The following BIRC6 variants were observed in gnomAD, a reference collection of about 807,000 sequenced individuals.
The protein encoded by BIRC6 is baculoviral IAP repeat containing 6.
In BIRC6, 98 loss-of-function variants were observed where a neutral mutation model predicts 503.3. The ratio of observed to expected loss-of-function variants is 0.19; its 90% CI spans 0.17 to 0.23. The LOEUF is 0.23. BIRC6 is among the 10% of genes least tolerant of loss of function. The pLI, the probability that BIRC6 is intolerant of heterozygous loss-of-function variation, is 1.00. For synonymous variants in BIRC6, 2,240 were observed against 2,078.7 expected (o/e 1.08, Z -2.11); for missense variants, 5,360 against 5,806.0 (o/e 0.92, Z 2.50).
intron 1 of BIRC6, among the ~76,000 whole-genome samples, chr2:32,367,829 C>T (rs1287750117): frequency 1.3e-5 from 2 of 151,986 alleles, no homozygotes; most frequent in Non-Finnish European, 2.9e-5. Flanking sequence ...CTGCCCCCAC[C>T]TTCCCCCCAA....
Position 32,618,841 on chromosome 2 carries a change from A to G in BIRC6, c.*937A>G. 1 of 152,608 alleles carries G rather than the reference A, an allele frequency of 6.6e-6. No individual in the cohort carries two copies. Among genetic ancestry groups the G allele is most frequent in the East Asian group, 1.9e-4 (1 of 5,190 alleles). The allele number at this position is 152,608 out of a possible 1,614,324, so 9.5% of individuals were successfully genotyped here. A position where few individuals can be genotyped will look rare whatever the true frequency, so the allele number is the denominator to read the frequency against. On this transcript the variant is annotated 3_prime_UTR_variant, in exon 74 of 74. Coordinates refer to ENST00000421745, the MANE Select transcript of BIRC6 (RefSeq NM_016252.4). ...GCCATACAGGCTCATTTTCATGCAA[A>G]TTCTTCCTAGAGCCAAATAAATAAA... is the stretch of plus-strand genomic sequence containing the variant.
At chr2:32,525,056 G>A (rs751257964) in intron 58 of BIRC6, 37 bp downstream of exon 58, 41 of 1,427,114 alleles carry the variant, frequency 2.9e-5, no homozygotes, top group East Asian at 2.4e-4. Flanking sequence ...GATTTTGTTT[G>A]GGTTTCTATA....
At chr2:32,448,495 C>A (rs28479569) in intron 21 of BIRC6, among the ~76,000 whole-genome samples, 1 of 152,026 alleles carries the variant, frequency 6.6e-6, no homozygotes, top group Non-Finnish European at 1.5e-5. Context: ...CCAAAAAAAA[C>A]CGAAAACCAG....
At chr2:32,574,440 C>T (rs769042141) in intron 65 of BIRC6, 3 of 152,168 alleles carry the variant, frequency 2.0e-5, no homozygotes, top group Non-Finnish European at 2.9e-5. Context: ...CCTGACTCTT[C>T]CAGAACTTAG....
At chr2:32,378,217 C>T (rs1322354366) in intron 2 of BIRC6, among the ~76,000 whole-genome samples, 2 of 152,088 alleles carry the variant, frequency 1.3e-5, no homozygotes, top group African/African-American at 4.8e-5. Context: ...TCTCTCTTCT[C>T]TCCTTCCCTT....
rs114434331 is a variant in BIRC6, at chr2:32,608,764, A to G, written c.14259+1121A>G. Among the ~76,000 whole-genome samples the G allele has an allele frequency of 1.8e-3, 281 of 152,206 alleles. 1 individual carries two copies. Among genetic ancestry groups the G allele is most frequent in the African/African-American group, 6.5e-3 (269 of 41,532 alleles). ...CCTTCTACTAGCAAACTCTCTAAAT[A>G]TGTTTCTGATATATTTCTCATTGAA... On this transcript the variant is annotated intron_variant, in intron 72 of 73. Coordinates refer to ENST00000421745, the MANE Select transcript of BIRC6 (RefSeq NM_016252.4).
chr2:32,567,053 CTCTGCCTCCAGGGT>C (rs1188167311), intron 65 of BIRC6, among the ~76,000 whole-genome samples: 2 of 152,222 alleles, frequency 1.3e-5, no homozygotes, highest in African/African-American at 4.8e-5. Flanking sequence ...TCACTGCAAC[CTCTGCCTCCAGGGT>C]TCAAGCGATT....
Position 32,357,304 on chromosome 2 carries a change from G to GGGCGGC in BIRC6, c.144_149dup (p.Ala49_Ala50dup), listed in dbSNP as rs1427095395. On this transcript the variant is annotated inframe_insertion, in exon 1 of 74. Transcript: ENST00000421745. The surrounding 1 kb of genome is among the most constrained non-coding windows in gnomAD (Gnocchi z 4.9). ...GGCTGCTCCTCGGCGGCGGGGGCGG[G>GGGCGGC]GGCGGCCGGGGTCTCAGAGTGGCTG... 1.3e-6 allele frequency: 2 copies of GGGCGGC among 1,526,774 alleles called. No homozygotes were observed. The highest frequency in any genetic ancestry group is 2.4e-5 in the South Asian group (2 of 82,332). The allele number at this position is 1,526,774 out of a possible 1,614,324, so 94.6% of individuals were successfully genotyped here. A position where few individuals can be genotyped will look rare whatever the true frequency, so the allele number is the denominator to read the frequency against.
chr2:32,559,039 A>G (rs1448192641), intron 65 of BIRC6, among the ~76,000 whole-genome samples: 9 of 152,128 alleles, frequency 5.9e-5, no homozygotes, highest in Admixed American at 5.9e-4. Flanking sequence ...CAGCTGTTTG[A>G]AGATACTTTT....
chr2:32,572,142 A>G (rs2059956880), intron 65 of BIRC6, among the ~76,000 whole-genome samples: 1 of 152,160 alleles, frequency 6.6e-6, no homozygotes, highest in Non-Finnish European at 1.5e-5. Context: ...TTTATGGACT[A>G]ACGTGGTCTG....
chr2:32,499,639 G>A lies in BIRC6; in HGVS notation c.8561G>A (p.Ser2854Asn). ...LEQNFEVVSV[S>N]TISAVIESVT... ...CAGAATTTTGAAGTCGTTTCAGTTA[G>A]TACTATTTCTGCCGTGATAGAATCG... The change falls in exon 46 of 74, where the codon AGT becomes AAT. Residue 2854 changes from serine to asparagine, a missense_variant. Transcript: ENST00000421745. 6 of 1,613,850 alleles carry A rather than the reference G, an allele frequency of 3.7e-6. No homozygotes were observed. Among genetic ancestry groups the A allele is most frequent in the Non-Finnish European group, 5.1e-6 (6 of 1,179,854 alleles).
At chr2:32,516,356 A>C (rs1305196879) in intron 55 of BIRC6, among the ~76,000 whole-genome samples, 1 of 152,038 alleles carries the variant, frequency 6.6e-6, no homozygotes, top group East Asian at 1.9e-4. Flanking sequence ...TCTCCTAAAA[A>C]TACAAAAAAA....
intron 50 of BIRC6, among the ~76,000 whole-genome samples, chr2:32,506,844 A>G (rs1337671764): frequency 6.6e-6 from 1 of 152,104 alleles, no homozygotes; most frequent in Non-Finnish European, 1.5e-5. Flanking sequence ...TCTTTTTGCT[A>G]TGTCTGCTTG....
rs1210851015 is a variant in BIRC6 at position 32,415,617 on chromosome 2, C to T, written c.2326C>T (p.Leu776=). ...LNNLNKLNSA[L]CNRRKGELES... The stretch of plus-strand genomic sequence containing the variant: ...TAATTTAAATAAATTAAACTCTGCA[C>T]TATGTAATAGACGGAAAGGTGAGCT... Residue 776 remains leucine, a synonymous_variant, in exon 10 of 74, where the codon CTA becomes TTA. Transcript: ENST00000421745. The T allele has an allele frequency of 2.5e-6, 4 of 1,613,928 alleles. No individual in the cohort carries two copies. In the Admixed American group the frequency reaches 5.0e-5, roughly 20 times the overall value.
At chr2:32,427,293 T>C (rs1228547302) in intron 10 of BIRC6, among the ~76,000 whole-genome samples, 2 of 150,706 alleles carry the variant, frequency 1.3e-5, no homozygotes, top group African/African-American at 4.8e-5. Flanking sequence ...TATTTTATTT[T>C]TTTTTTGAGA....
At chr2:32,518,788 C>T in intron 56 of BIRC6, 29 bp from the exon 57 acceptor site, 2 of 1,604,286 alleles carry the variant, frequency 1.2e-6, no homozygotes, top group South Asian at 1.1e-5. Flanking sequence ...AAAGTTACTT[C>T]CTGATTTCTT....
At chr2:32,390,343 T>A (rs1182719497) in intron 4 of BIRC6, among the ~76,000 whole-genome samples, 1 of 152,070 alleles carries the variant, frequency 6.6e-6, no homozygotes, top group African/African-American at 2.4e-5. Context: ...GCTAATTTTT[T>A]GTATTTTTAG....
At position 32,488,572 on chromosome 2, in the gene BIRC6, T is replaced by C; in HGVS notation, c.7969-16T>C. Reference sequence around the variant, plus strand: ...ATAGGTACATTTTTCTCCTGTTGATTTTCATTCTTTTTCAGTTGGAGTCAC... The same window carrying C: ...ATAGGTACATTTTTCTCCTGTTGATCTTCATTCTTTTTCAGTTGGAGTCAC... On this transcript the variant is annotated splice_polypyrimidine_tract_variant and intron_variant, in intron 41 of 73. Transcript: ENST00000421745. The C allele has an allele frequency of 6.6e-7, 1 of 1,510,244 alleles. No homozygotes were observed. The highest frequency in any genetic ancestry group is 1.3e-5 in the South Asian group (1 of 77,618). 93.6% of individuals were successfully genotyped at this position (1,510,244 alleles called of 1,614,324 possible). A position where few individuals can be genotyped will look rare whatever the true frequency, so the allele number is the denominator to read the frequency against.
chr2:32,409,544 T>C (rs1424164992), intron 9 of BIRC6, among the ~76,000 whole-genome samples: 7 of 152,178 alleles, frequency 4.6e-5, no homozygotes, highest in African/African-American at 9.7e-5. Flanking sequence ...TTTGAAGATA[T>C]CTAAGAGGAC....
Sources: allele counts gnomAD v4.1 joint callset (sites outside exome capture counted in the v4.1 genomes callset), GRCh38; gene constraint gnomAD v4.1.1; non-coding constraint Gnocchi (gnomAD v3.1); transcripts MANE v1.5; gene names NCBI Gene and HGNC (gene_info 2026-07-23, HGNC 2026-07-21).